Variants in COL1A1 observed in about 807,000 individuals in gnomAD.
COL1A1 encodes the protein collagen alpha-1(I) chain.
In COL1A1, 21 loss-of-function variants were observed where a neutral mutation model predicts 195.7. That is an observed-to-expected ratio of 0.11 (90% CI 0.08 to 0.15). The LOEUF (loss-of-function observed/expected upper bound fraction) is 0.15, where lower values mean the gene tolerates loss of function less well. Among genes scored for constraint, COL1A1 ranks in the 10% least tolerant of loss-of-function variants. The pLI is 1.00. For missense variants in COL1A1, 1,365 were observed against 2,051.0 expected, an observed-to-expected ratio of 0.67 and a Z score of 6.46; for synonymous variants, 749 against 747.3, an observed-to-expected ratio of 1.00 and a Z score of -0.04.
chr17:50,187,486 G>C lies in COL1A1; in HGVS notation c.3421C>G (p.Arg1141Gly). 2 of 1,613,982 alleles carry C rather than the reference G, an allele frequency of 1.2e-6. No individual in the cohort carries two copies. Among genetic ancestry groups the C allele is most frequent in the Non-Finnish European group, 1.7e-6 (2 of 1,179,956 alleles). ...AGGAGAGAGAAGGCATGACTTACTC[G>C]GGGACCAGCAGGACCAGAGGCTCCA... ...PSGASGPAGPRGPPGSAGAPG... is the reference protein window; with the variant it reads ...PSGASGPAGPGGPPGSAGAPG... Residue 1141 changes from arginine to glycine, a missense_variant and splice_region_variant, in exon 46 of 51, where the codon CGA (arginine) becomes GGA (glycine). Physicochemically the swap from Arg to Gly is moderately radical, Grantham distance 125 (BLOSUM62 -2). Transcript: ENST00000225964.
intron 29 of COL1A1, 194 bp downstream of exon 29, chr17:50,192,281 T>A: frequency 1.3e-6 from 1 of 749,874 alleles, no homozygotes; most frequent in Non-Finnish European, 2.3e-6. Context: ...CAGCAGCTCT[T>A]AAAAGAAGTC....
chr17:50,200,151 T>G lies in COL1A1; in HGVS notation c.104-204A>C, dbSNP rs769568268. On this transcript the variant is annotated intron_variant, in intron 1 of 50. Transcript: ENST00000225964. ...GGCGCCTGGCCAGGGAGGCTGTAAC[T>G]CTTTCCAGTTCTCAGGAATTTAAAC... 5.3e-5 allele frequency: 33 copies of G among 619,458 alleles called. 1 individual carries two copies. In the South Asian group the frequency reaches 5.4e-4, roughly 10 times the overall value. The allele number at this position is 619,458 out of a possible 1,614,324, so 38.4% of individuals were successfully genotyped here.
At chr17:50,192,591 G>A (rs1293026807) in intron 28 of COL1A1, 49 bp downstream of exon 28, 7 of 1,614,030 alleles carry the variant, frequency 4.3e-6, no homozygotes, top group Middle Eastern at 1.6e-4. Context: ...GACCAAAGAG[G>A]TGTTTCCTAC....
Position 50,188,760 on chromosome 17 carries a change from G to A in COL1A1, c.3081C>T (p.Asp1027=), listed in dbSNP as rs764822227. Residue 1027 remains aspartate (D), a synonymous_variant, in exon 42 of 51, where the codon GAC becomes GAT. Transcript: ENST00000225964. The surrounding 1 kb of genome is among the most constrained non-coding windows in gnomAD (Gnocchi z 5.6). The stretch of plus-strand genomic sequence containing the variant: ...ATCTTACCTTGGCGCCAGGAGAACC[G>A]TCTCGTCCAGGGGAACCTTCGGCAC... The part of the protein sequence containing the change: ...APGAEGSPGR[D]GSPGAKGDRG... The A allele has an allele frequency of 5.0e-6, 8 of 1,613,912 alleles. No individual in the cohort carries two copies. Among genetic ancestry groups the A allele is most frequent in the South Asian group, 2.2e-5 (2 of 91,076 alleles).
rs72656314 is a variant in COL1A1, at chr17:50,187,486, G to A, written c.3421C>T (p.Arg1141Ter). The change falls in exon 46 of 51, where the codon CGA (arginine) becomes TGA (stop). Residue 1141 changes from arginine (R) to a stop codon, truncating the protein, a stop_gained and splice_region_variant. Transcript: ENST00000225964. LOFTEE classifies it high-confidence loss of function. Reference protein sequence around the residue: ...PSGASGPAGPRGPPGSAGAPG... With the variant: ...PSGASGPAGP ...AGGAGAGAGAAGGCATGACTTACTCGGGGACCAGCAGGACCAGAGGCTCCA... is the reference window on the plus strand; with the variant it reads ...AGGAGAGAGAAGGCATGACTTACTCAGGGACCAGCAGGACCAGAGGCTCCA... 6.2e-7 allele frequency: 1 copy of A among 1,613,864 alleles called. No homozygotes were observed. The highest frequency in any genetic ancestry group is 1.7e-5 in the Admixed American group (1 of 59,992).
At position 50,193,006 on chromosome 17, in the gene COL1A1, G is replaced by A; in HGVS notation, c.1809C>T (p.Pro603=). The change falls in exon 26 of 51, where the codon CCC becomes CCT. Residue 603 remains proline, a synonymous_variant. Coordinates refer to ENST00000225964, the MANE Select transcript of COL1A1 (RefSeq NM_000088.4). ...GKAGERGVPG[P]PGAVGPAGKD... ...AGGAGATACTTACGACAGCGCCAGG[G>A]GGTCCGGGAACACCTCGCTCTCCAG... is the stretch of plus-strand genomic sequence containing the variant. 6.2e-7 allele frequency: 1 copy of A among 1,614,150 alleles called. No individual in the cohort carries two copies. Among genetic ancestry groups the A allele is most frequent in the Non-Finnish European group, 8.5e-7 (1 of 1,180,028 alleles).
At chr17:50,187,462 G>C in intron 46 of COL1A1, 22 bp downstream of exon 46, 1 of 1,613,728 alleles carries the variant, frequency 6.2e-7, no homozygotes, top group Non-Finnish European at 8.5e-7. Context: ...CTCAGGAAGA[G>C]GAGAGAGAAG....
In COL1A1 at chr17:50,190,735, C is replaced by A; in HGVS notation, c.2343+82G>T. 1 of 1,498,388 alleles carries A rather than the reference C, an allele frequency of 6.7e-7. No individual in the cohort carries two copies. 92.8% of individuals were successfully genotyped at this position (1,498,388 alleles called of 1,614,324 possible). A position where few individuals can be genotyped will look rare whatever the true frequency, so the allele number is the denominator to read the frequency against. Reference sequence around the variant, plus strand: ...CTCAGTTTGGCAGGACCTGCTCTCCCAACGCAACCCCACGGAACCGTGCCC... The same window carrying A: ...CTCAGTTTGGCAGGACCTGCTCTCCAAACGCAACCCCACGGAACCGTGCCC... On this transcript the variant is annotated intron_variant, in intron 33 of 50. Coordinates refer to ENST00000225964, the MANE Select transcript of COL1A1 (RefSeq NM_000088.4). This position sits in a 1 kb window ranked among gnomAD's most constrained non-coding sequence, Gnocchi z 4.7.
At chr17:50,197,892 T>G in intron 8 of COL1A1, 57 bp downstream of exon 8, 1 of 1,598,524 alleles carries the variant, frequency 6.3e-7, no homozygotes, top group Non-Finnish European at 8.6e-7. Context: ...GGAGTTCTTC[T>G]ATAGGAGAGT....
At position 50,197,173 on chromosome 17, in the gene COL1A1, T is replaced by C. The variant is rs568043436; in HGVS notation, c.750+7A>G. The stretch of plus-strand genomic sequence containing the variant: ...AAGCCCAGGTTCAGCCACAGCCCCC[T>C]GCTCACCTGAGGCCCAGGAGGCCCA... On this transcript the variant is annotated splice_region_variant and intron_variant, in intron 10 of 50. Coordinates refer to ENST00000225964, the MANE Select transcript of COL1A1 (RefSeq NM_000088.4). The C allele has an allele frequency of 4.3e-6, 7 of 1,613,944 alleles. No individual in the cohort carries two copies. The highest frequency in any genetic ancestry group is 2.7e-5 in the African/African-American group (2 of 75,050).
At position 50,188,106 on chromosome 17, in the gene COL1A1, C is replaced by T. The variant is rs746341018; in HGVS notation, c.3251G>A (p.Arg1084His). The part of the protein sequence containing the change: ...PAGPVGPVGA[R>H]GPAGPQGPRG... Reference sequence around the variant, plus strand: ...CAGCAGGGTACTTACGGCGGGGCCACGGGCGCCAACAGGGCCGACAGGACC... The same window carrying T: ...CAGCAGGGTACTTACGGCGGGGCCATGGGCGCCAACAGGGCCGACAGGACC... The change falls in exon 44 of 51, where the codon CGT (arginine) becomes CAT (histidine). Residue 1084 changes from arginine to histidine, a missense_variant. Arg to His is a conservative substitution (Grantham distance 29). Coordinates refer to ENST00000225964, the MANE Select transcript of COL1A1 (RefSeq NM_000088.4). This position sits in a 1 kb window ranked among gnomAD's most constrained non-coding sequence, Gnocchi z 5.6. 1.0e-5 allele frequency: 16 copies of T among 1,590,616 alleles called. No homozygotes were observed. The highest frequency in any genetic ancestry group is 4.0e-5 in the African/African-American group (3 of 74,308).
intron 8 of COL1A1, 35 bp downstream of exon 8, chr17:50,197,914 T>C (rs781344593): frequency 6.2e-7 from 1 of 1,610,670 alleles, no homozygotes; most frequent in South Asian, 1.1e-5. Context: ...TGTGTGTTTG[T>C]AGAAGGAGTA....
At chr17:50,193,196 T>C in intron 25 of COL1A1, 149 bp from the exon 26 acceptor site, 1 of 774,716 alleles carries the variant, frequency 1.3e-6, no homozygotes. Context: ...CAGGTGCTTC[T>C]TGCTGGGCCC....
chr17:50,194,324 C>G lies in COL1A1; in HGVS notation c.1614+25G>C. Reference sequence around the variant, plus strand: ...ACGGGATGGTCAGGGCCTGGCCAAGCCAGGCTGAAAGCCTGGGGCCTCACC... The same window carrying G: ...ACGGGATGGTCAGGGCCTGGCCAAGGCAGGCTGAAAGCCTGGGGCCTCACC... On this transcript the variant is annotated intron_variant, in intron 23 of 50. Transcript: ENST00000225964. The surrounding 1 kb of genome is among the most constrained non-coding windows in gnomAD (Gnocchi z 6.8). The G allele has an allele frequency of 6.2e-7, 1 of 1,613,730 alleles. No individual in the cohort carries two copies. Among genetic ancestry groups the G allele is most frequent in the Middle Eastern group, 1.7e-4 (1 of 5,960 alleles).
In COL1A1 at chr17:50,194,349, C is replaced by G. The variant is rs770596593; in HGVS notation, c.1614G>C (p.Lys538Asn). The change falls in exon 23 of 51, where the codon AAG (lysine) becomes AAC (asparagine). Residue 538 changes from lysine to asparagine, a missense_variant and splice_region_variant. By Grantham distance (94) the Lys-to-Asn change is moderately conservative. Coordinates refer to ENST00000225964, the MANE Select transcript of COL1A1 (RefSeq NM_000088.4). This position sits in a 1 kb window ranked among gnomAD's most constrained non-coding sequence, Gnocchi z 6.8. ...RPGEAGLPGA[K>N]GLTGSPGSPG... ...CCAGGCTGAAAGCCTGGGGCCTCAC[C>G]TTGGCACCAGGCAGACCAGCTTCAC... is the stretch of plus-strand genomic sequence containing the variant. 6.2e-7 allele frequency: 1 copy of G among 1,614,094 alleles called. No individual in the cohort carries two copies. Among genetic ancestry groups the G allele is most frequent in the Non-Finnish European group, 8.5e-7 (1 of 1,179,994 alleles).
Position 50,193,174 on chromosome 17 carries a change from G to A in COL1A1, c.1768-127C>T, listed in dbSNP as rs1276931096. 9 of 942,238 alleles carry A rather than the reference G, an allele frequency of 9.6e-6. No individual in the cohort carries two copies. In the African/African-American group the frequency reaches 1.1e-4, roughly 12 times the overall value. 58.4% of individuals were successfully genotyped at this position (942,238 alleles called of 1,614,324 possible). A position where few individuals can be genotyped will look rare whatever the true frequency, so the allele number is the denominator to read the frequency against. On this transcript the variant is annotated intron_variant, in intron 25 of 50. Transcript: ENST00000225964. ...TTTCAAAAGACTGTTTGGCCCCCGG[G>A]GAATGCCCCTGCAGGTGCTTCTTGC...
chr17:50,188,087 G>A lies in COL1A1; in HGVS notation c.3261+9C>T, dbSNP rs1906715170. Reference sequence around the variant, plus strand: ...TCTAAAGGCATGGGGGACACAGCAGGGTACTTACGGCGGGGCCACGGGCGC... The same window carrying A: ...TCTAAAGGCATGGGGGACACAGCAGAGTACTTACGGCGGGGCCACGGGCGC... On this transcript the variant is annotated intron_variant, in intron 44 of 50. Coordinates refer to ENST00000225964, the MANE Select transcript of COL1A1 (RefSeq NM_000088.4). The surrounding 1 kb of genome is among the most constrained non-coding windows in gnomAD (Gnocchi z 5.6). 1 of 1,610,964 alleles carries A rather than the reference G, an allele frequency of 6.2e-7. No individual in the cohort carries two copies.
intron 25 of COL1A1, 161 bp downstream of exon 25, chr17:50,193,782 A>G (rs1242673220): frequency 1.4e-6 from 1 of 735,484 alleles, no homozygotes; most frequent in Non-Finnish European, 2.4e-6. Context: ...TGCCCCGCCG[A>G]GAAGTCTTTC....
Position 50,198,204 on chromosome 17 carries a change from C to A in COL1A1, c.545G>T (p.Gly182Val), listed in dbSNP as rs762653652. ...TGGISVPGPM[G>V]PSGPRGLPGP... ...AGGGAGACCACGAGGACCAGAGGGA[C>A]CCTATAGAGGGAGAAGAAAGGGGGG... Residue 182 changes from glycine to valine, a missense_variant and splice_region_variant, in exon 7 of 51, where the codon GGT becomes GTT. This residue lies in a region of COL1A1 where 226 missense variants were observed against 372.9 expected (regional missense o/e 0.61). Coordinates refer to ENST00000225964, the MANE Select transcript of COL1A1 (RefSeq NM_000088.4). 1.2e-6 allele frequency: 2 copies of A among 1,614,002 alleles called. No homozygotes were observed. The highest frequency in any genetic ancestry group is 1.1e-5 in the South Asian group (1 of 91,080).
Sources: gnomAD v4.1 joint callset for allele counts on GRCh38, gnomAD v4.1.1 for gene constraint, gnomAD v4.1.1 regional missense constraint, Gnocchi (gnomAD v3.1) non-coding constraint, MANE v1.5 for transcripts, NCBI Gene and HGNC (gene_info 2026-07-23, HGNC 2026-07-21) for gene names.